Variants in CCDC78 observed in about 807,000 individuals in gnomAD.
CCDC78 encodes coiled-coil domain-containing protein 78.
A neutral mutation model predicts 61.9 loss-of-function variants in CCDC78; 78 were observed. The ratio of observed to expected loss-of-function variants is 1.26; its 90% CI spans 1.05 to 1.52. CCDC78 has a LOEUF of 1.52. Among genes scored for constraint, CCDC78 ranks in the 40% most tolerant of loss-of-function variants. CCDC78 has a pLI of 0.00. For missense variants in CCDC78, 737 were observed against 615.5 expected (o/e 1.20, Z -2.09); for synonymous variants, 287 against 251.9 (o/e 1.14, Z -1.32).
intron 11 of CCDC78, 195 bp from the exon 12 acceptor site, chr16:723,356 G>C (rs1422503877): frequency 8.3e-6 from 6 of 721,426 alleles, no homozygotes; most frequent in Middle Eastern, 2.3e-4. Flanking sequence ...GGGACAGCCC[G>C]GGCCCAGGGG....
At chr16:723,692 G>A (rs1567314498) in intron 11 of CCDC78, 165 bp downstream of exon 11, 3 of 715,634 alleles carry the variant, frequency 4.2e-6, no homozygotes, top group Non-Finnish European at 7.6e-6. Context: ...GTGTCGCCGG[G>A]ACCCACGGAG....
intron 11 of CCDC78, 167 bp downstream of exon 11, chr16:723,690 G>A (rs1256086230): frequency 1.4e-5 from 10 of 713,716 alleles, no homozygotes; most frequent in East Asian, 2.7e-5. Flanking sequence ...CAGTGTCGCC[G>A]GGACCCACGG....
Position 724,008 on chromosome 16 carries a change from G to A in CCDC78, c.1054-72C>T. The A allele has an allele frequency of 1.2e-5, 18 of 1,552,456 alleles. No individual in the cohort carries two copies. The South Asian group carries it at 1.7e-4, about 14-fold the overall frequency. On this transcript the variant is annotated intron_variant, in intron 10 of 13. Coordinates refer to ENST00000345165, the MANE Select transcript of CCDC78 (RefSeq NM_001378030.1). ...AGCCCCTCAGAGGCCCGGGGCTGAG[G>A]TCTCTGTTGAGCCCAGGATGAGGCC...
Position 722,724 on chromosome 16 carries a change from G to T in CCDC78, c.1367C>A (p.Ala456Asp). ...ATGCTGGGGCTTGGCTGGAGGCACA[G>T]CCCCCACTTTCCAGGGGTCCCCTGC... ...AGAGDPWKVG[A>D]VPPAKPQHPR... The change falls in exon 14 of 14, where the codon GCT (alanine) becomes GAT (aspartate). Residue 456 changes from alanine to aspartate, a missense_variant. Ala to Asp is a moderately radical substitution (Grantham distance 126). Coordinates refer to ENST00000345165, the MANE Select transcript of CCDC78 (RefSeq NM_001378030.1). 6.2e-7 allele frequency: 1 copy of T among 1,610,970 alleles called. No individual in the cohort carries two copies.
chr16:723,891 C>G lies in CCDC78; in HGVS notation c.1099G>C (p.Gly367Arg). Residue 367 changes from glycine (G) to arginine (R), a missense_variant, in exon 11 of 14, where the codon GGT (glycine) becomes CGT (arginine). Physicochemically the swap from Gly to Arg is moderately radical, Grantham distance 125. Transcript: ENST00000345165. ...GATGTTCCCCCCTGGGAGGCTCCACCGGGTCTCTTTTTTGGGGATGAGAGC... is the reference window on the plus strand; with the variant it reads ...GATGTTCCCCCCTGGGAGGCTCCACGGGGTCTCTTTTTTGGGGATGAGAGC... ...ALLSSPKKRPGGASQGGTSEP... is the reference protein window; with the variant it reads ...ALLSSPKKRPRGASQGGTSEP... 1.3e-6 allele frequency: 2 copies of G among 1,599,520 alleles called. No homozygotes were observed.
intron 7 of CCDC78, 49 bp downstream of exon 7, chr16:724,862 C>G (rs926097908): frequency 1.9e-6 from 3 of 1,604,224 alleles, no homozygotes; most frequent in Non-Finnish European, 2.6e-6. Flanking sequence ...GGCTGAGCTT[C>G]TGGGGCCCCC....
At chr16:724,063 G>T (rs74968560) in intron 10 of CCDC78, 43 bp downstream of exon 10, 1 of 896,726 alleles carries the variant, frequency 1.1e-6, no homozygotes, top group Non-Finnish European at 1.4e-6. Context: ...TGGGTGGGTG[G>T]GGGGCACCCG....
In CCDC78 at chr16:725,110, C is replaced by G; in HGVS notation, c.528G>C (p.Gln176His). 6.2e-7 allele frequency: 1 copy of G among 1,612,826 alleles called. No homozygotes were observed. The highest frequency in any genetic ancestry group is 8.5e-7 in the Non-Finnish European group (1 of 1,179,988). The stretch of plus-strand genomic sequence containing the variant: ...TCACCAGTGCCTGCTGCCGGGCCTC[C>G]TGATGCTCCAGCGCCCACTTCACTT... ...QGEVKWALEHQEARQQALVTR... is the reference protein window; with the variant it reads ...QGEVKWALEHHEARQQALVTR... Residue 176 changes from glutamine to histidine, a missense_variant, in exon 6 of 14, where the codon CAG (glutamine) becomes CAC (histidine). Transcript: ENST00000345165.
chr16:724,867 G>A, intron 7 of CCDC78, 44 bp downstream of exon 7: 1 of 1,602,558 alleles, frequency 6.2e-7, no homozygotes. Flanking sequence ...AGCTTCTGGG[G>A]CCCCCACCCT....
intron 4 of CCDC78, 26 bp downstream of exon 4, chr16:725,387 C>T (rs766880200): frequency 2.5e-6 from 4 of 1,611,960 alleles, no homozygotes; most frequent in South Asian, 2.2e-5. Flanking sequence ...CTTTCCCAGC[C>T]AGGCTCTCCA....
chr16:723,052 G>T, intron 12 of CCDC78, 30 bp from the exon 13 acceptor site: 1 of 1,612,516 alleles, frequency 6.2e-7, no homozygotes, highest in Non-Finnish European at 8.5e-7. Flanking sequence ...CATGAGCTGG[G>T]GCATGGCGTG....
intron 1 of CCDC78, 97 bp from the exon 2 acceptor site, chr16:726,182 A>G (rs376542606): frequency 1.9e-6 from 3 of 1,550,228 alleles, no homozygotes; most frequent in Non-Finnish European, 2.6e-6. Flanking sequence ...TGCCTGGCTG[A>G]GCTGTAAAAG....
intron 8 of CCDC78, 76 bp downstream of exon 8, chr16:724,605 G>T: frequency 3.8e-6 from 6 of 1,569,598 alleles, no homozygotes; most frequent in Non-Finnish European, 8.6e-7. Flanking sequence ...GGGCCCTGGG[G>T]TCTCCCTGAA....
At chr16:723,754 G>C (rs1254872753) in intron 11 of CCDC78, 103 bp downstream of exon 11, 3 of 1,065,444 alleles carry the variant, frequency 2.8e-6, no homozygotes, top group East Asian at 2.6e-5. Flanking sequence ...ACCAGACCCT[G>C]TCTGGCGGGG....
chr16:724,749 G>T lies in CCDC78; in HGVS notation c.697C>A (p.Gln233Lys), dbSNP rs1230965931. The T allele has an allele frequency of 2.5e-6, 4 of 1,612,138 alleles. No homozygotes were observed. Among genetic ancestry groups the T allele is most frequent in the Non-Finnish European group, 3.4e-6 (4 of 1,179,766 alleles). Residue 233 changes from glutamine (Q) to lysine (K), a missense_variant, in exon 8 of 14, where the codon CAG becomes AAG. Gln to Lys is a moderately conservative substitution (Grantham distance 53). Transcript: ENST00000345165. ...TCCTTCAGTTTCTTGAGCTGCAGCT[G>T]CAGCCGGGCATTTTCAGCCTCTGCC... ...RQAEAENARL[Q>K]LQLKKLKDEY...
chr16:726,183 G>A (rs376853602), intron 1 of CCDC78, 98 bp from the exon 2 acceptor site: 31 of 1,550,296 alleles, frequency 2.0e-5, no homozygotes, highest in South Asian at 1.1e-4. Context: ...GCCTGGCTGA[G>A]CTGTAAAAGT....
At position 723,541 on chromosome 16, in the gene CCDC78, C is replaced by T. The variant is rs56375919; in HGVS notation, c.1133+316G>A. 8.7e-3 allele frequency: 5,857 copies of T among 673,782 alleles called. 249 individuals are homozygous for T. The African/African-American group carries it at 0.091, about 10-fold the overall frequency. 41.7% of individuals were successfully genotyped at this position (673,782 alleles called of 1,614,324 possible). On this transcript the variant is annotated intron_variant, in intron 11 of 13. Coordinates refer to ENST00000345165, the MANE Select transcript of CCDC78 (RefSeq NM_001378030.1). ...GGAGGCCCAGAGGCAAGGGCTGGCC[C>T]GGTCACCAGGCGCCCTGCTCCCACC... is the stretch of plus-strand genomic sequence containing the variant.
At chr16:723,356 G>A (rs1422503877) in intron 11 of CCDC78, 195 bp from the exon 12 acceptor site, 9 of 721,426 alleles carry the variant, frequency 1.2e-5, no homozygotes, top group Non-Finnish European at 2.0e-5. Flanking sequence ...GGGACAGCCC[G>A]GGCCCAGGGG....
At position 724,491 on chromosome 16, in the gene CCDC78, C is replaced by T. The variant is rs1462579697; in HGVS notation, c.784G>A (p.Gly262Ser). ...WQAVEHADGA[G>S]QAPATTALRT... is the part of the protein sequence containing the mutation. ...AGGGCCGTGGTGGCTGGCGCTTGGCCTGCACCATCTGCGTGCTCCTGGAGG... is the reference window on the plus strand; with the variant it reads ...AGGGCCGTGGTGGCTGGCGCTTGGCTTGCACCATCTGCGTGCTCCTGGAGG... Residue 262 changes from glycine (G) to serine (S), a missense_variant, in exon 9 of 14, where the codon GGC (glycine) becomes AGC (serine). Gly to Ser is a moderately conservative substitution (Grantham distance 56). Coordinates refer to ENST00000345165, the MANE Select transcript of CCDC78 (RefSeq NM_001378030.1). 3.8e-6 allele frequency: 6 copies of T among 1,599,082 alleles called. No individual in the cohort carries two copies. Among genetic ancestry groups the T allele is most frequent in the Non-Finnish European group, 5.1e-6 (6 of 1,179,424 alleles).
Sources: gnomAD v4.1 joint callset for allele counts on GRCh38, gnomAD v4.1.1 for gene constraint, MANE v1.5 for transcripts, NCBI Gene and HGNC (gene_info 2026-07-23, HGNC 2026-07-21) for gene names.